Variants in USH2A observed in about 807,000 individuals in gnomAD.
USH2A encodes the protein Usher syndrome 2A (autosomal recessive, mild).
In USH2A, 443 loss-of-function variants were observed where a neutral mutation model predicts 538.9. That is an observed-to-expected ratio of 0.82 (90% CI 0.76 to 0.89). The LOEUF (loss-of-function observed/expected upper bound fraction) is 0.89. Ranked by LOEUF, USH2A falls within the 40% of genes least tolerant of loss-of-function variation. USH2A has a pLI of 0.00. For missense variants in USH2A, 6,633 were observed against 6,324.8 expected, an observed-to-expected ratio of 1.05 and a Z score of -1.65; for synonymous variants, 2,413 against 2,273.5, an observed-to-expected ratio of 1.06 and a Z score of -1.75.
intron 64 of USH2A, among the ~76,000 whole-genome samples, chr1:215,652,627 T>C (rs907735923): frequency 6.6e-6 from 1 of 152,160 alleles, no homozygotes. Flanking sequence ...AGGTTATTCA[T>C]GAAGAAGTCA....
intron 32 of USH2A, among the ~76,000 whole-genome samples, chr1:216,009,862 G>C (rs1297471603): frequency 6.6e-6 from 1 of 152,022 alleles, no homozygotes; most frequent in Admixed American, 6.6e-5. Context: ...AGAGCTAAAG[G>C]CATAGTCAAG....
intron 14 of USH2A, among the ~76,000 whole-genome samples, chr1:216,222,442 A>C (rs1478719631): frequency 6.6e-6 from 1 of 152,226 alleles, no homozygotes; most frequent in East Asian, 1.9e-4. Context: ...AACAATATCC[A>C]AGTTCTAATC....
At chr1:215,964,460 G>A (rs933439290) in intron 37 of USH2A, among the ~76,000 whole-genome samples, 4 of 152,130 alleles carry the variant, frequency 2.6e-5, no homozygotes, top group African/African-American at 9.7e-5. Context: ...TTTACACTTG[G>A]AGGATGTTAT....
intron 43 of USH2A, among the ~76,000 whole-genome samples, chr1:215,870,201 T>C (rs1053194915): frequency 6.6e-6 from 1 of 152,188 alleles, no homozygotes; most frequent in Non-Finnish European, 1.5e-5. Flanking sequence ...AGATATTTCA[T>C]TTGAGGCCGT....
intron 12 of USH2A, among the ~76,000 whole-genome samples, chr1:216,248,358 C>T (rs2036093288): frequency 6.6e-6 from 1 of 151,930 alleles, no homozygotes; most frequent in Admixed American, 6.6e-5. Context: ...CAAAATACTT[C>T]CTTTAGATAG....
intron 21 of USH2A, among the ~76,000 whole-genome samples, chr1:216,099,859 C>T (rs569039936): frequency 2.0e-5 from 3 of 152,206 alleles, no homozygotes; most frequent in African/African-American, 7.2e-5. Context: ...ATGCAGAAAA[C>T]TCTGCCTGCC....
chr1:216,249,361 C>T (rs2036113876), intron 12 of USH2A, among the ~76,000 whole-genome samples: 1 of 152,048 alleles, frequency 6.6e-6, no homozygotes, highest in Non-Finnish European at 1.5e-5. Flanking sequence ...TCCTCAAGCT[C>T]TGGAATCTAA....
At chr1:216,287,207 C>A (rs1004992477) in intron 11 of USH2A, among the ~76,000 whole-genome samples, 2 of 152,046 alleles carry the variant, frequency 1.3e-5, no homozygotes, top group African/African-American at 4.8e-5. Context: ...ATCACATGAT[C>A]ATAATAATTG....
intron 11 of USH2A, among the ~76,000 whole-genome samples, chr1:216,283,873 G>A (rs989548333): frequency 3.3e-5 from 5 of 152,026 alleles, no homozygotes; most frequent in African/African-American, 1.2e-4. Flanking sequence ...TTAATATGGG[G>A]TTATGAATGG....
intron 37 of USH2A, among the ~76,000 whole-genome samples, chr1:215,943,631 A>C (rs1250823067): frequency 1.3e-5 from 2 of 152,190 alleles, no homozygotes; most frequent in Non-Finnish European, 2.9e-5. Flanking sequence ...CCAGTGAAAC[A>C]ATGGCTCACA....
chr1:216,292,910 A>T (rs535710235), intron 9 of USH2A, among the ~76,000 whole-genome samples: 4 of 152,336 alleles, frequency 2.6e-5, no homozygotes, highest in African/African-American at 9.6e-5. Flanking sequence ...AATTTAAAAC[A>T]TTAAAAACTT....
intron 49 of USH2A, among the ~76,000 whole-genome samples, chr1:215,802,207 G>A (rs1662356955): frequency 6.6e-6 from 1 of 151,998 alleles, no homozygotes; most frequent in Non-Finnish European, 1.5e-5. Flanking sequence ...CATTGGGTCT[G>A]CCAATGATTT....
intron 32 of USH2A, among the ~76,000 whole-genome samples, chr1:216,036,330 T>C (rs6692241): frequency 0.87 from 131,471 of 151,950 alleles, 57,365 homozygotes; most frequent in East Asian, 0.94. Flanking sequence ...ATTGAACGAC[T>C]CTCAAGGAAA....
intron 61 of USH2A, among the ~76,000 whole-genome samples, chr1:215,706,909 A>G (rs1172529021): frequency 6.6e-6 from 1 of 152,222 alleles, no homozygotes; most frequent in Non-Finnish European, 1.5e-5. Context: ...TGAATAAACA[A>G]AAAGAAATCA....
chr1:216,187,667 A>G (rs1433579752), intron 20 of USH2A, among the ~76,000 whole-genome samples: 4 of 151,934 alleles, frequency 2.6e-5, no homozygotes, highest in African/African-American at 9.7e-5. Context: ...TAGAAATTCC[A>G]TAACATTTAT....
At chr1:215,901,451 G>A (rs1436766335) in intron 38 of USH2A, 2 of 177,756 alleles carry the variant, frequency 1.1e-5, no homozygotes, top group East Asian at 1.5e-4. Flanking sequence ...TGAATACAGT[G>A]TATTCCAGCC....
intron 21 of USH2A, among the ~76,000 whole-genome samples, chr1:216,170,647 C>T (rs1014388036): frequency 1.3e-5 from 2 of 152,088 alleles, no homozygotes; most frequent in South Asian, 2.1e-4. Flanking sequence ...GACCTGTTTT[C>T]GCTAATAGGA....
At chr1:216,290,553 T>C (rs1165089310) in intron 10 of USH2A, among the ~76,000 whole-genome samples, 1 of 152,202 alleles carries the variant, frequency 6.6e-6, no homozygotes, top group East Asian at 1.9e-4. Flanking sequence ...GTAAGAGGAA[T>C]CTGAACTAAA....
rs1253860251 is a variant in USH2A, at chr1:216,073,081, A to AG, written c.5776+15dup. The stretch of plus-strand genomic sequence containing the variant: ...AAGAGACATGTAACATTTAATTTAG[A>AG]GGACCTCCACATTACCTGTAAAAGG... On this transcript the variant is annotated intron_variant, in intron 28 of 71. Transcript: ENST00000307340. 1.2e-6 allele frequency: 2 copies of AG among 1,613,822 alleles called. No homozygotes were observed. The highest frequency in any genetic ancestry group is 3.3e-5 in the Admixed American group (2 of 59,912).
Sources: allele counts gnomAD v4.1 joint callset (sites outside exome capture counted in the v4.1 genomes callset), GRCh38; gene constraint gnomAD v4.1.1; transcripts MANE v1.5; gene names NCBI Gene and HGNC (gene_info 2026-07-23, HGNC 2026-07-21).